The following SRGAP3 variants were observed in gnomAD, a reference collection of about 807,000 sequenced individuals.
SRGAP3 encodes SLIT-ROBO Rho GTPase activating protein 3.
SRGAP3 carries 39 observed loss-of-function variants against 121.1 expected under a neutral mutation model. The observed-to-expected ratio is 0.32, with a 90% CI of 0.25 to 0.42. The LOEUF is 0.42. SRGAP3 is among the 10% of genes least tolerant of loss of function. The pLI, the probability that SRGAP3 is intolerant of heterozygous loss-of-function variation, is 1.00. For missense variants in SRGAP3, 1,213 were observed against 1,470.6 expected (o/e 0.82, Z 2.86); for synonymous variants, 601 against 570.0 (o/e 1.05, Z -0.77).
intron 1 of SRGAP3, chr3:9,348,882 A>C: frequency 8.7e-7 from 1 of 1,145,640 alleles, no homozygotes; most frequent in Non-Finnish European, 1.3e-6. Flanking sequence ...ACTGAAGATC[A>C]GCTACCCTCC....
chr3:9,146,470 C>A (rs1305141886), intron 1 of SRGAP3, among the ~76,000 whole-genome samples: 1 of 152,190 alleles, frequency 6.6e-6, no homozygotes, highest in Non-Finnish European at 1.5e-5. Flanking sequence ...TAACTGATTT[C>A]AAAAATTAAT....
At chr3:9,080,995 C>T (rs983197570) in intron 3 of SRGAP3, among the ~76,000 whole-genome samples, 1 of 152,166 alleles carries the variant, frequency 6.6e-6, no homozygotes, top group African/African-American at 2.4e-5. Flanking sequence ...CCGAAACCAT[C>T]GCCCCACCCT....
intron 1 of SRGAP3, among the ~76,000 whole-genome samples, chr3:9,132,971 A>G (rs1949513120): frequency 6.6e-6 from 1 of 150,852 alleles, no homozygotes; most frequent in Non-Finnish European, 1.5e-5. Context: ...GATCGTGTGC[A>G]TCATTCCAGA....
At chr3:9,235,946 T>C (rs1033238746) in intron 1 of SRGAP3, 1 of 154,884 alleles carries the variant, frequency 6.5e-6, no homozygotes, top group Non-Finnish European at 1.4e-5. Context: ...TTTGTGTTTG[T>C]GTATTTTACC....
chr3:9,164,934 C>A (rs560745040), intron 1 of SRGAP3, among the ~76,000 whole-genome samples: 2 of 152,372 alleles, frequency 1.3e-5, no homozygotes, highest in South Asian at 2.1e-4. Context: ...GCTACCAACC[C>A]AGTGCCAGCC....
intron 1 of SRGAP3, among the ~76,000 whole-genome samples, chr3:9,360,686 G>A (rs2030751309): frequency 6.6e-6 from 1 of 152,196 alleles, no homozygotes; most frequent in Non-Finnish European, 1.5e-5. Flanking sequence ...AGAAGCGGAA[G>A]TGGAAACCTC....
intron 1 of SRGAP3, among the ~76,000 whole-genome samples, chr3:9,360,198 G>C (rs112188160): frequency 2.0e-5 from 3 of 152,152 alleles, no homozygotes; most frequent in Non-Finnish European, 4.4e-5. Context: ...CAAATTGCTA[G>C]AATTACAGGC....
At chr3:9,318,749 T>C (rs1955391745) in intron 3 of SRGAP3, among the ~76,000 whole-genome samples, 1 of 151,180 alleles carries the variant, frequency 6.6e-6, no homozygotes, top group African/African-American at 2.4e-5. Flanking sequence ...CATAGCAGCA[T>C]GTGCCTGTAG....
chr3:9,307,184 G>A (rs1955173954), intron 3 of SRGAP3, among the ~76,000 whole-genome samples: 1 of 152,198 alleles, frequency 6.6e-6, no homozygotes, highest in Non-Finnish European at 1.5e-5. Context: ...ATGTTGGCCA[G>A]GCTGGTCTTG....
At chr3:9,350,518 A>G (rs1488556713) in intron 1 of SRGAP3, among the ~76,000 whole-genome samples, 2 of 152,256 alleles carry the variant, frequency 1.3e-5, no homozygotes, top group Non-Finnish European at 2.9e-5. Context: ...ACTCTTCAAC[A>G]TGATGGCTAG....
At chr3:8,992,767 C>T (rs756170954) in intron 20 of SRGAP3, 139 bp downstream of exon 20, 1 of 1,508,390 alleles carries the variant, frequency 6.6e-7, no homozygotes, top group South Asian at 1.1e-5. Flanking sequence ...AGCCAGCCCG[C>T]CCAGTGTGCC....
intron 1 of SRGAP3, among the ~76,000 whole-genome samples, chr3:9,352,706 G>C (rs1004752053): frequency 1.3e-5 from 2 of 152,154 alleles, no homozygotes; most frequent in South Asian, 4.1e-4. Flanking sequence ...TCTGCAGCTG[G>C]GGTCAGGCCA....
intron 4 of SRGAP3, among the ~76,000 whole-genome samples, chr3:9,075,388 T>TGTGTGTGTGTGC (rs1266977983): frequency 7.1e-6 from 1 of 141,526 alleles, no homozygotes; most frequent in African/African-American, 2.9e-5. Context: ...TGTGTGTGTG[T>TGTGTGTGTGTGC]GTGCGCGCGC....
At chr3:9,154,324 C>T (rs979882182) in intron 1 of SRGAP3, among the ~76,000 whole-genome samples, 6 of 152,034 alleles carry the variant, frequency 3.9e-5, no homozygotes, top group Admixed American at 6.6e-5. Flanking sequence ...TGAGGTAAGA[C>T]GCTAAACAAC....
intron 18 of SRGAP3, chr3:9,007,845 C>G (rs1327432423): frequency 6.6e-6 from 1 of 152,284 alleles, no homozygotes; most frequent in East Asian, 1.9e-4. Flanking sequence ...AGCACAGTGA[C>G]CCCTTGACTG....
At chr3:9,110,220 T>C (rs1169554555) in intron 2 of SRGAP3, among the ~76,000 whole-genome samples, 3 of 151,770 alleles carry the variant, frequency 2.0e-5, no homozygotes, top group Non-Finnish European at 4.4e-5. Context: ...CCAGGATGAC[T>C]CTCCAGTTTT....
In SRGAP3 at chr3:9,296,546, T is replaced by C. The variant is rs923715734; in HGVS notation, n.442+29464A>G. ...ATTCTTTTTGTAGAAATGGTACATA[T>C]TCATTCTTCACTGGGTCCCCAGAGG... On this transcript the variant is annotated intron_variant and non_coding_transcript_variant, in intron 3 of 3. Transcript: ENST00000490889. Among the ~76,000 whole-genome samples, 12 of 152,318 alleles carry C rather than the reference T, an allele frequency of 7.9e-5. 1 individual carries two copies. In the South Asian group the frequency reaches 2.5e-3, roughly 32 times the overall value.
intron 2 of SRGAP3, among the ~76,000 whole-genome samples, chr3:9,106,313 G>C (rs1051346812): frequency 9.2e-5 from 14 of 152,200 alleles, no homozygotes; most frequent in South Asian, 6.2e-4. Context: ...AGTGTGGAGA[G>C]AGATGTTGGA....
intron 4 of SRGAP3, among the ~76,000 whole-genome samples, chr3:9,067,594 G>C (rs540014538): frequency 6.6e-6 from 1 of 152,120 alleles, no homozygotes; most frequent in South Asian, 2.1e-4. Flanking sequence ...CAAAGCAGGC[G>C]CCTATTTTGA....
Sources: gnomAD v4.1 joint callset for allele counts (sites outside exome capture counted in the v4.1 genomes callset) on GRCh38, gnomAD v4.1.1 for gene constraint, MANE v1.5 for transcripts, NCBI Gene and HGNC (gene_info 2026-07-23, HGNC 2026-07-21) for gene names.